The following PTPRD variants were observed in gnomAD, a reference collection of about 807,000 sequenced individuals.
PTPRD encodes protein tyrosine phosphatase receptor type D, also known as receptor-type tyrosine-protein phosphatase delta.
A neutral mutation model predicts 214.5 loss-of-function variants in PTPRD; 34 were observed. The ratio of observed to expected loss-of-function variants is 0.16; its 90% CI spans 0.12 to 0.21. The LOEUF (loss-of-function observed/expected upper bound fraction) is 0.21. PTPRD is among the 10% of genes least tolerant of loss of function. The pLI, the probability that PTPRD is intolerant of heterozygous loss-of-function variation, is 1.00. For synonymous variants in PTPRD, 1,128 were observed against 845.7 expected (o/e 1.33, Z -5.79); for missense variants, 2,545 against 2,398.7 (o/e 1.06, Z -1.27).
chr9:8,412,406 T>C lies in PTPRD; in HGVS notation c.4087-7746A>G, dbSNP rs144258469. Reference sequence around the variant, plus strand: ...TTACGGTGTTAGTAAATTAGTGTTTTAGTAAATTAGGAAGAATTAATTCAC... The same window carrying C: ...TTACGGTGTTAGTAAATTAGTGTTTCAGTAAATTAGGAAGAATTAATTCAC... On this transcript the variant is annotated intron_variant, in intron 35 of 45. Coordinates refer to ENST00000381196, the MANE Select transcript of PTPRD (RefSeq NM_002839.4). 4.7e-3 allele frequency among the ~76,000 whole-genome samples: 720 copies of C among 152,274 alleles called. 1 individual carries two copies. The highest frequency in any genetic ancestry group is 5.2e-3 in the Non-Finnish European group (356 of 68,010).
intron 10 of PTPRD, among the ~76,000 whole-genome samples, chr9:9,120,191 T>C (rs866758886): frequency 1.3e-5 from 2 of 152,214 alleles, no homozygotes; most frequent in Non-Finnish European, 2.9e-5. Flanking sequence ...TTGGAAGTCA[T>C]AGAGAAGTAC....
chr9:9,609,831 T>C (rs1467546864), intron 7 of PTPRD, among the ~76,000 whole-genome samples: 1 of 152,204 alleles, frequency 6.6e-6, no homozygotes, highest in Non-Finnish European at 1.5e-5. Context: ...TGGTGGGTTG[T>C]GTTTTGTCAA....
chr9:8,657,270 T>C (rs1375129125), intron 12 of PTPRD, among the ~76,000 whole-genome samples: 1 of 150,704 alleles, frequency 6.6e-6, no homozygotes, highest in African/African-American at 2.4e-5. Flanking sequence ...CGGGTTCAAG[T>C]GATTCTCTTG....
intron 11 of PTPRD, among the ~76,000 whole-genome samples, chr9:8,737,895 C>T (rs1032187852): frequency 2.0e-5 from 3 of 152,088 alleles, no homozygotes; most frequent in Admixed American, 6.5e-5. Context: ...GTGATCCGCT[C>T]GCCTCGGCCT....
intron 3 of PTPRD, among the ~76,000 whole-genome samples, chr9:10,147,938 G>A (rs192140467): frequency 6.6e-6 from 1 of 152,248 alleles, no homozygotes; most frequent in Admixed American, 6.5e-5. Context: ...TGTGAATATT[G>A]TGGTAGCAAG....
intron 11 of PTPRD, among the ~76,000 whole-genome samples, chr9:8,885,741 C>T (rs1001988639): frequency 7.2e-5 from 11 of 152,056 alleles, no homozygotes; most frequent in African/African-American, 2.7e-4. Context: ...AGGCGAACCA[C>T]CCACCTTGGT....
At chr9:9,235,977 A>C (rs2099966417) in intron 9 of PTPRD, among the ~76,000 whole-genome samples, 1 of 152,120 alleles carries the variant, frequency 6.6e-6, no homozygotes, top group Non-Finnish European at 1.5e-5. Flanking sequence ...AAAAAGAGCA[A>C]AATTGGCCAG....
At chr9:9,311,159 G>T (rs1595590782) in intron 9 of PTPRD, among the ~76,000 whole-genome samples, 2 of 152,104 alleles carry the variant, frequency 1.3e-5, no homozygotes, top group South Asian at 2.1e-4. Context: ...TTGCTTTCAT[G>T]AAATTATCTC....
chr9:8,946,792 A>G (rs933869989), intron 11 of PTPRD, among the ~76,000 whole-genome samples: 1 of 152,030 alleles, frequency 6.6e-6, no homozygotes. Flanking sequence ...CTCTTGCTCA[A>G]TTACTGTGAC....
intron 4 of PTPRD, among the ~76,000 whole-genome samples, chr9:9,973,226 G>T: frequency 6.6e-6 from 1 of 150,916 alleles, no homozygotes; most frequent in East Asian, 2.0e-4. Flanking sequence ...ACTTTGAAAG[G>T]CCAAAGCGGG....
At chr9:10,446,827 A>C (rs1294015596) in intron 2 of PTPRD, among the ~76,000 whole-genome samples, 1 of 152,146 alleles carries the variant, frequency 6.6e-6, no homozygotes, top group Non-Finnish European at 1.5e-5. Flanking sequence ...TGACTTTGAA[A>C]AGAAATGCAA....
chr9:10,482,161 G>T (rs181561807), intron 2 of PTPRD, among the ~76,000 whole-genome samples: 78 of 152,176 alleles, frequency 5.1e-4, no homozygotes, highest in Non-Finnish European at 7.9e-4. Context: ...CACGAGGTCA[G>T]GAGATTGAGA....
chr9:8,703,599 TC>T lies in PTPRD; in HGVS notation c.64+30180del, dbSNP rs2098136641. 2.6e-5 allele frequency among the ~76,000 whole-genome samples: 4 copies of T among 152,314 alleles called. No individual in the cohort carries two copies. The South Asian group carries it at 8.3e-4, about 32-fold the overall frequency. ...AACTCTATTGTTTTTCTTTCTCTTT[TC>T]TCCTGTTTCCCCTCGACTTCTCATC... On this transcript the variant is annotated intron_variant, in intron 12 of 45. Coordinates refer to ENST00000381196, the MANE Select transcript of PTPRD (RefSeq NM_002839.4).
chr9:10,395,489 T>C (rs551684277), intron 2 of PTPRD, among the ~76,000 whole-genome samples: 2 of 152,046 alleles, frequency 1.3e-5, no homozygotes, highest in African/African-American at 4.8e-5. Flanking sequence ...CTATCATTAC[T>C]GAAAAAAACT....
At chr9:9,140,167 G>C (rs1439387308) in intron 10 of PTPRD, among the ~76,000 whole-genome samples, 3 of 150,730 alleles carry the variant, frequency 2.0e-5, no homozygotes, top group Non-Finnish European at 2.9e-5. Flanking sequence ...ATAGGAGTTG[G>C]GTCACTATGT....
chr9:10,597,156 C>T (rs762377473), intron 2 of PTPRD, among the ~76,000 whole-genome samples: 1 of 151,272 alleles, frequency 6.6e-6, no homozygotes, highest in East Asian at 1.9e-4. Flanking sequence ...GAAACAAATG[C>T]TTTATTACGA....
chr9:8,547,267 T>C (rs538713810), intron 14 of PTPRD, among the ~76,000 whole-genome samples: 4 of 152,142 alleles, frequency 2.6e-5, no homozygotes, highest in African/African-American at 7.2e-5. Context: ...AATAAACTTA[T>C]TAAAGTGAGC....
chr9:10,178,012 T>C (rs1054090601), intron 3 of PTPRD, among the ~76,000 whole-genome samples: 2 of 151,924 alleles, frequency 1.3e-5, no homozygotes, highest in African/African-American at 4.8e-5. Flanking sequence ...TAGTTGTTAA[T>C]TTTTTCCTTC....
intron 2 of PTPRD, among the ~76,000 whole-genome samples, chr9:10,487,866 G>A (rs1451229038): frequency 6.6e-6 from 1 of 151,362 alleles, no homozygotes; most frequent in Non-Finnish European, 1.5e-5. Context: ...GACTTGTAGA[G>A]GTACTACCTC....
Sources: gnomAD v4.1 joint callset for allele counts (sites outside exome capture counted in the v4.1 genomes callset) on GRCh38, gnomAD v4.1.1 for gene constraint, MANE v1.5 for transcripts, NCBI Gene and HGNC (gene_info 2026-07-23, HGNC 2026-07-21) for gene names.